PYROXD1: variants seen among roughly 807,000 people sequenced by gnomAD.
PYROXD1 encodes tRNA ligase complex-associated NAD(P)H dehydrogenase PYROXD1.
PYROXD1 carries 42 observed loss-of-function variants against 62.0 expected under a neutral mutation model. The ratio of observed to expected loss-of-function variants is 0.68; its 90% confidence interval spans 0.53 to 0.88. PYROXD1 has a LOEUF of 0.88. Among genes scored for constraint, PYROXD1 ranks in the 40% least tolerant of loss-of-function variants. The probability of loss-of-function intolerance (pLI) is 0.00; values close to 1 mark genes in which losing one functional copy is unlikely to be tolerated. For missense variants in PYROXD1, 493 were observed against 604.8 expected, an observed-to-expected ratio of 0.82 and a Z score of 1.94; for synonymous variants, 170 against 206.4, an observed-to-expected ratio of 0.82 and a Z score of 1.51.
At position 21,469,279 on chromosome 12, in the gene PYROXD1, A is replaced by G. The variant is rs1029862874; in HGVS notation, c.*525A>G. ...CTGAAATCATCTACAAGCTTGTCCAACTCTAGCCCACGGGTCTAATGCAGC... is the reference window on the plus strand; with the variant it reads ...CTGAAATCATCTACAAGCTTGTCCAGCTCTAGCCCACGGGTCTAATGCAGC... On this transcript the variant is annotated 3_prime_UTR_variant, in exon 12 of 12. Coordinates refer to ENST00000240651, the MANE Select transcript of PYROXD1 (RefSeq NM_024854.5). The G allele has an allele frequency of 6.5e-6, 1 of 154,602 alleles. No homozygotes were observed. The highest frequency in any genetic ancestry group is 2.4e-5 in the African/African-American group (1 of 41,412). The allele number at this position is 154,602 out of a possible 1,614,324, so 9.6% of individuals were successfully genotyped here. A position where few individuals can be genotyped will look rare whatever the true frequency, so the allele number is the denominator to read the frequency against.
At chr12:21,442,561 G>A (rs991023643) in intron 2 of PYROXD1, among the ~76,000 whole-genome samples, 56 of 152,208 alleles carry the variant, frequency 3.7e-4, no homozygotes, top group African/African-American at 1.3e-3. Context: ...CCCAGTATGG[G>A]CCGTAGAACC....
chr12:21,445,352 T>C lies in PYROXD1; in HGVS notation c.171T>C (p.Ser57=). The C allele has an allele frequency of 6.3e-7, 1 of 1,591,892 alleles. No homozygotes were observed. Among genetic ancestry groups the C allele is most frequent in the East Asian group, 2.2e-5 (1 of 44,614 alleles). The change falls in exon 3 of 12, where the codon TCT becomes TCC. Residue 57 remains serine, a synonymous_variant. Coordinates refer to ENST00000240651, the MANE Select transcript of PYROXD1 (RefSeq NM_024854.5). ...AATCTCTTGGATCTATACAGATTTC[T>C]AAAATATTGGAAGAATTCGATGTTG... ...IKAVTNFKQI[S]KILEEFDVEE...
In PYROXD1 at chr12:21,449,598, T is replaced by G; in HGVS notation, c.321T>G (p.Tyr107Ter). The G allele has an allele frequency of 6.2e-7, 1 of 1,613,282 alleles. No individual in the cohort carries two copies. The highest frequency in any genetic ancestry group is 8.5e-7 in the Non-Finnish European group (1 of 1,179,446). The change falls in exon 4 of 12, where the codon TAT becomes TAG. Residue 107 changes from tyrosine (Y) to a stop codon, truncating the protein, a stop_gained. Coordinates refer to ENST00000240651, the MANE Select transcript of PYROXD1 (RefSeq NM_024854.5). LOFTEE classifies it high-confidence loss of function. ...IVTEDGNQHVYKKLCLCAGAK... is the reference protein window; with the variant it reads ...IVTEDGNQHV Reference sequence around the variant, plus strand: ...CAGAAGATGGCAATCAGCACGTATATAAGAAACTCTGTCTGTGTGCTGGAG... The same window carrying G: ...CAGAAGATGGCAATCAGCACGTATAGAAGAAACTCTGTCTGTGTGCTGGAG...
intron 7 of PYROXD1, among the ~76,000 whole-genome samples, chr12:21,458,568 T>C (rs1266048675): frequency 6.6e-6 from 1 of 152,192 alleles, no homozygotes; most frequent in African/African-American, 2.4e-5. Context: ...TAATCATTGC[T>C]ACCTTTTGAT....
chr12:21,465,996 T>C (rs1227535301), intron 10 of PYROXD1, among the ~76,000 whole-genome samples: 1 of 152,242 alleles, frequency 6.6e-6, no homozygotes, highest in African/African-American at 2.4e-5. Context: ...GCATTATTTC[T>C]GAGGGTTCTG....
chr12:21,457,001 C>T, intron 7 of PYROXD1: 1 of 362,460 alleles, frequency 2.8e-6, no homozygotes, highest in South Asian at 2.1e-5. Context: ...CTTCAGGATT[C>T]ATTTCTAATT....
At chr12:21,452,867 C>A (rs1474447914) in intron 5 of PYROXD1, among the ~76,000 whole-genome samples, 1 of 150,946 alleles carries the variant, frequency 6.6e-6, no homozygotes, top group South Asian at 2.1e-4. Context: ...AAGGACTCTG[C>A]CAAAGCCATA....
Position 21,455,979 on chromosome 12 carries a change from A to C in PYROXD1, c.650-16A>C, listed in dbSNP as rs1942588849. ...CTATCTGGTAATTTTTATATTATTT[A>C]ATTTCATCTCTTTAGGAAGGAAAAA... On this transcript the variant is annotated splice_polypyrimidine_tract_variant and intron_variant, in intron 6 of 11. Coordinates refer to ENST00000240651, the MANE Select transcript of PYROXD1 (RefSeq NM_024854.5). 6.6e-7 allele frequency: 1 copy of C among 1,507,938 alleles called. No individual in the cohort carries two copies. Among genetic ancestry groups the C allele is most frequent in the Admixed American group, 1.8e-5 (1 of 54,886 alleles). 93.4% of individuals were successfully genotyped at this position (1,507,938 alleles called of 1,614,324 possible). A position where few individuals can be genotyped will look rare whatever the true frequency, so the allele number is the denominator to read the frequency against.
chr12:21,467,362 G>A, intron 10 of PYROXD1, 119 bp from the exon 11 acceptor site: 1 of 900,982 alleles, frequency 1.1e-6, no homozygotes, highest in East Asian at 2.8e-5. Flanking sequence ...TGCTTCTGTG[G>A]CAAAGATGAC....
Position 21,437,886 on chromosome 12 carries a change from C to T in PYROXD1, c.84+72C>T, listed in dbSNP as rs948588699. The T allele has an allele frequency of 3.0e-6, 4 of 1,311,606 alleles. No individual in the cohort carries two copies. The African/African-American group carries it at 4.4e-5, about 15-fold the overall frequency. The allele number at this position is 1,311,606 out of a possible 1,614,324, so 81.2% of individuals were successfully genotyped here. On this transcript the variant is annotated intron_variant, in intron 1 of 11. Coordinates refer to ENST00000240651, the MANE Select transcript of PYROXD1 (RefSeq NM_024854.5). ...GGGATAGCACTGGAGGCCTTCCTCC[C>T]ACCCCCTCCCTTTTTCTTCTTCCGG... is the stretch of plus-strand genomic sequence containing the variant.
chr12:21,440,335 T>A (rs1467361282), intron 1 of PYROXD1, 33 bp from the exon 2 acceptor site: 1 of 1,262,948 alleles, frequency 7.9e-7, no homozygotes, highest in East Asian at 2.3e-5. Context: ...AAGTAATTTG[T>A]CCTAATTTTT....
intron 3 of PYROXD1, among the ~76,000 whole-genome samples, chr12:21,446,836 G>A (rs1033479008): frequency 1.3e-5 from 2 of 151,888 alleles, no homozygotes; most frequent in Admixed American, 6.6e-5. Context: ...GATCACCTGA[G>A]CCTGGGAGTT....
chr12:21,463,715 G>T (rs1213352551), intron 10 of PYROXD1, among the ~76,000 whole-genome samples: 1 of 132,194 alleles, frequency 7.6e-6, no homozygotes, highest in African/African-American at 2.8e-5. Context: ...AAAAATTCCT[G>T]TAGTAAACAC....
At chr12:21,465,564 T>TA (rs1444641282) in intron 10 of PYROXD1, among the ~76,000 whole-genome samples, 3 of 152,100 alleles carry the variant, frequency 2.0e-5, no homozygotes, top group Non-Finnish European at 4.4e-5. Context: ...TTCTGGATAT[T>TA]AGCCATTTGT....
chr12:21,439,037 T>A (rs2137235301), intron 1 of PYROXD1, among the ~76,000 whole-genome samples: 1 of 152,290 alleles, frequency 6.6e-6, no homozygotes, highest in South Asian at 2.1e-4. Context: ...AAGAAGGTAT[T>A]TTTAAAATCT....
chr12:21,470,033 C>T lies in PYROXD1; in HGVS notation c.*1279C>T. 2 of 773,558 alleles carry T rather than the reference C, an allele frequency of 2.6e-6. No homozygotes were observed. The highest frequency in any genetic ancestry group is 3.8e-5 in the Admixed American group (1 of 26,636). The allele number at this position is 773,558 out of a possible 1,614,324, so 47.9% of individuals were successfully genotyped here. On this transcript the variant is annotated 3_prime_UTR_variant, in exon 12 of 12. Transcript: ENST00000240651. The stretch of plus-strand genomic sequence containing the variant: ...TAATTCATGATCTCTAATTTTCAAA[C>T]ATTCTCAAAAGTTTAGATCTTCAGA...
At chr12:21,467,366 A>G in intron 10 of PYROXD1, 115 bp from the exon 11 acceptor site, 1 of 937,464 alleles carries the variant, frequency 1.1e-6, no homozygotes, top group Non-Finnish European at 1.6e-6. Flanking sequence ...TCTGTGGCAA[A>G]GATGACAGAA....
Position 21,445,457 on chromosome 12 carries a change from T to C in PYROXD1, c.276T>C (p.Ser92=). ...AATCTGGCGTAAAGCAACTGAAGAG[T>C]GAAGAACACGTAAGATAATTGTTTT... The part of the protein sequence containing the change: ...VIESGVKQLK[S]EEHCIVTEDG... Residue 92 remains serine (S), a synonymous_variant, in exon 3 of 12, where the codon AGT becomes AGC. Transcript: ENST00000240651. 2.5e-6 allele frequency: 4 copies of C among 1,591,076 alleles called. No homozygotes were observed. In the South Asian group the frequency reaches 3.5e-5, roughly 14 times the overall value.
chr12:21,470,730 G>A lies in PYROXD1; in HGVS notation c.*1976G>A, dbSNP rs3983529. 3.2e-5 allele frequency: 11 copies of A among 338,938 alleles called. No homozygotes were observed. Among genetic ancestry groups the A allele is most frequent in the Non-Finnish European group, 3.6e-5 (7 of 193,552 alleles). 21.0% of individuals were successfully genotyped at this position (338,938 alleles called of 1,614,324 possible). On this transcript the variant is annotated 3_prime_UTR_variant, in exon 12 of 12. Transcript: ENST00000240651. ...GCATAACAAAATTAGATATTCAAAC[G>A]GAGTCCTCCCATTCCAAGAAACTGG...
Sources: gnomAD v4.1 joint callset for allele counts (sites outside exome capture counted in the v4.1 genomes callset) on GRCh38, gnomAD v4.1.1 for gene constraint, MANE v1.5 for transcripts, NCBI Gene and HGNC (gene_info 2026-07-23, HGNC 2026-07-21) for gene names.